Variants in GNB3 observed in about 807,000 individuals in gnomAD.
GNB3 encodes the protein G protein subunit beta 3, also known as guanine nucleotide-binding protein G(I)/G(S)/G(T) subunit beta-3.
A neutral mutation model predicts 41.2 loss-of-function variants in GNB3; 33 were observed. That is an observed-to-expected ratio of 0.80 (90% CI 0.61 to 1.07). The LOEUF is 1.07. GNB3 is among the 50% of genes least tolerant of loss of function. The pLI, the probability that GNB3 is intolerant of heterozygous loss-of-function variation, is 0.00. For synonymous variants in GNB3, 172 were observed against 173.4 expected (o/e 0.99, Z 0.06); for missense variants, 409 against 455.3 (o/e 0.90, Z 0.92).
rs1555123955 is a variant in GNB3 at position 6,843,768 on chromosome 12, T to C, written c.498-9T>C. 2 of 1,613,680 alleles carry C rather than the reference T, an allele frequency of 1.2e-6. No homozygotes were observed. The highest frequency in any genetic ancestry group is 1.7e-6 in the Non-Finnish European group (2 of 1,179,558). On this transcript the variant is annotated splice_polypyrimidine_tract_variant and intron_variant, in intron 7 of 9. Transcript: ENST00000229264. The surrounding 1 kb of genome is among the most constrained non-coding windows in gnomAD (Gnocchi z 5.9). Reference sequence around the variant, plus strand: ...GCCTTTCTCTAACAGTCTCCCTCCATTTTGGCAGTGCCTTGTGGGACATTG... The same window carrying C: ...GCCTTTCTCTAACAGTCTCCCTCCACTTTGGCAGTGCCTTGTGGGACATTG...
At chr12:6,845,354 T>G in intron 8 of GNB3, 1 of 514,052 alleles carries the variant, frequency 1.9e-6, no homozygotes. Flanking sequence ...GACGTGGAAA[T>G]GATGCCTGCC....
intron 9 of GNB3, 87 bp from the exon 10 acceptor site, chr12:6,846,705 A>ACACC (rs2137995307): frequency 1.4e-6 from 1 of 726,726 alleles, no homozygotes; most frequent in Non-Finnish European, 2.4e-6. Context: ...ACACACCCAC[A>ACACC]CACCCACACA....
chr12:6,841,976 A>G (rs1943584965), intron 3 of GNB3: 1 of 397,162 alleles, frequency 2.5e-6, no homozygotes, highest in Non-Finnish European at 4.8e-6. Context: ...TAAGATGCAC[A>G]TTTCTTCACA....
At chr12:6,846,636 C>T in intron 9 of GNB3, 156 bp from the exon 10 acceptor site, 1 of 605,008 alleles carries the variant, frequency 1.7e-6, no homozygotes, top group Non-Finnish European at 3.0e-6. Context: ...CACACACGTA[C>T]ACACACCCAC....
intron 9 of GNB3, chr12:6,846,179 T>A (rs1294525436): frequency 2.8e-5 from 7 of 249,980 alleles, no homozygotes; most frequent in African/African-American, 1.6e-4. Flanking sequence ...CCGAGGGCCC[T>A]GACTGCAGCC....
intron 9 of GNB3, 172 bp downstream of exon 9, chr12:6,845,974 G>A: frequency 1.6e-6 from 1 of 609,282 alleles, no homozygotes; most frequent in Non-Finnish European, 2.9e-6. Context: ...AACTAGGACT[G>A]TTTTCCCTCA....
rs1943634569 is a variant in GNB3 at position 6,844,097 on chromosome 12, T to C, written c.699+119T>C. ...TCCCTAGCCCTTTCTTACTGTATTTTTTTTTTTTTTTTTTTTTTTTTTGAG... is the reference window on the plus strand; with the variant it reads ...TCCCTAGCCCTTTCTTACTGTATTTCTTTTTTTTTTTTTTTTTTTTTTGAG... On this transcript the variant is annotated intron_variant, in intron 8 of 9. Transcript: ENST00000229264. 284 of 471,298 alleles carry C rather than the reference T, an allele frequency of 6.0e-4. 8 individuals are homozygous for C. The highest frequency in any genetic ancestry group is 1.7e-3 in the Middle Eastern group (3 of 1,748). 29.2% of individuals were successfully genotyped at this position (471,298 alleles called of 1,614,324 possible). A position where few individuals can be genotyped will look rare whatever the true frequency, so the allele number is the denominator to read the frequency against.
intron 8 of GNB3, 111 bp downstream of exon 8, chr12:6,844,089 C>CCG (rs1789081571): frequency 8.0e-6 from 3 of 377,264 alleles, no homozygotes; most frequent in Non-Finnish European, 1.3e-5. Flanking sequence ...CCCTTTCTTA[C>CCG]TGTATTTTTT....
intron 3 of GNB3, 24 bp downstream of exon 3, chr12:6,841,648 G>C: frequency 6.3e-7 from 1 of 1,593,062 alleles, no homozygotes; most frequent in Non-Finnish European, 8.6e-7. Context: ...TCCCCCGGAA[G>C]GCAGGGCATG....
intron 9 of GNB3, chr12:6,846,060 A>T (rs1555124650): frequency 2.4e-5 from 12 of 491,692 alleles, no homozygotes; most frequent in Non-Finnish European, 2.2e-5. Flanking sequence ...GTGGACCATG[A>T]CTGTCCAGTC....
At chr12:6,845,869 C>G in intron 9 of GNB3, 67 bp downstream of exon 9, 2 of 1,059,958 alleles carry the variant, frequency 1.9e-6, no homozygotes, top group Non-Finnish European at 1.4e-6. Flanking sequence ...CCTCCCCATT[C>G]TGTACCCCCC....
At chr12:6,846,638 C>A in intron 9 of GNB3, 154 bp from the exon 10 acceptor site, 1 of 606,366 alleles carries the variant, frequency 1.6e-6, no homozygotes, top group Non-Finnish European at 3.0e-6. Flanking sequence ...CACACGTACA[C>A]ACACCCACAC....
At chr12:6,842,884 C>T (rs1490057130) in intron 3 of GNB3, 86 bp from the exon 4 acceptor site, 15 of 840,266 alleles carry the variant, frequency 1.8e-5, no homozygotes, top group Middle Eastern at 2.4e-4. Context: ...TGGCACAGAG[C>T]GGGAACTTGT....
intron 3 of GNB3, among the ~76,000 whole-genome samples, chr12:6,842,159 T>G (rs1247609013): frequency 6.6e-6 from 1 of 152,206 alleles, no homozygotes; most frequent in African/African-American, 2.4e-5. Context: ...CTGATTTCAT[T>G]GAATTTTCAT....
intron 8 of GNB3, among the ~76,000 whole-genome samples, chr12:6,844,249 G>GC (rs1943640078): frequency 6.6e-6 from 1 of 151,346 alleles, no homozygotes; most frequent in South Asian, 2.1e-4. Flanking sequence ...TTACAGGTGT[G>GC]CGCCACCATG....
At chr12:6,846,719 A>C in intron 9 of GNB3, 73 bp from the exon 10 acceptor site, 1 of 801,698 alleles carries the variant, frequency 1.2e-6, no homozygotes, top group Non-Finnish European at 2.1e-6. Context: ...CCACACATAC[A>C]CTTACACGCA....
intron 8 of GNB3, chr12:6,845,029 T>A (rs1413397353): frequency 6.5e-6 from 1 of 152,746 alleles, no homozygotes; most frequent in Non-Finnish European, 1.5e-5. Flanking sequence ...CTGTCCAGGA[T>A]CCAATCCAGA....
intron 2 of GNB3, 79 bp downstream of exon 2, chr12:6,841,423 G>C: frequency 7.3e-6 from 10 of 1,366,650 alleles, no homozygotes; most frequent in Non-Finnish European, 1.0e-5. Flanking sequence ...GAGGGGGCTG[G>C]GTTTGCTCTT....
chr12:6,844,021 C>T lies in GNB3; in HGVS notation c.699+43C>T, dbSNP rs782385517. On this transcript the variant is annotated intron_variant, in intron 8 of 9. Transcript: ENST00000229264. ...CCCAGCTTCACTCCAACTCCTTCCCCGACACTCCCCACAACACATACAATA... is the reference window on the plus strand; with the variant it reads ...CCCAGCTTCACTCCAACTCCTTCCCTGACACTCCCCACAACACATACAATA... 1.9e-5 allele frequency: 27 copies of T among 1,416,670 alleles called. 1 individual carries two copies. Among genetic ancestry groups the T allele is most frequent in the South Asian group, 6.2e-5 (5 of 80,162 alleles). 87.8% of individuals were successfully genotyped at this position (1,416,670 alleles called of 1,614,324 possible). A position where few individuals can be genotyped will look rare whatever the true frequency, so the allele number is the denominator to read the frequency against.
Sources: gnomAD v4.1 joint callset for allele counts (sites outside exome capture counted in the v4.1 genomes callset) on GRCh38, gnomAD v4.1.1 for gene constraint, Gnocchi (gnomAD v3.1) non-coding constraint, MANE v1.5 for transcripts, NCBI Gene and HGNC (gene_info 2026-07-23, HGNC 2026-07-21) for gene names.